CUL1: variants seen among roughly 807,000 people sequenced by gnomAD.
The protein encoded by CUL1 is cullin-1.
Under a neutral mutation model 118.0 loss-of-function variants are expected in CUL1, and 24 were observed. The observed-to-expected ratio is 0.20, with a 90% CI of 0.15 to 0.29. The LOEUF (loss-of-function observed/expected upper bound fraction) is 0.29, where lower values mean the gene tolerates loss of function less well. CUL1 is among the 10% of genes least tolerant of loss of function. The pLI is 1.00. For synonymous variants in CUL1, 332 were observed against 340.4 expected, an observed-to-expected ratio of 0.98 and a Z score of 0.27; for missense variants, 361 against 933.8, an observed-to-expected ratio of 0.39 and a Z score of 7.99.
intron 11 of CUL1, among the ~76,000 whole-genome samples, chr7:148,785,523 AT>A (rs1403951748): frequency 3.6e-3 from 480 of 132,896 alleles, no homozygotes; most frequent in Middle Eastern, 0.011. Flanking sequence ...CACCCGGCTA[AT>A]TTTTTTTTTT....
intron 14 of CUL1, 27 bp from the exon 15 acceptor site, chr7:148,789,723 C>G: frequency 6.3e-7 from 1 of 1,593,286 alleles, no homozygotes; most frequent in Non-Finnish European, 8.6e-7. Context: ...CCAGAATGTT[C>G]ACTCTCCCCT....
At chr7:148,702,256 C>G (rs978901663) in intron 1 of CUL1, among the ~76,000 whole-genome samples, 10 of 152,254 alleles carry the variant, frequency 6.6e-5, no homozygotes, top group African/African-American at 2.2e-4. Context: ...GGAGGTGTTT[C>G]ATTTCTAAAA....
chr7:148,748,418 A>G (rs948187678), intron 2 of CUL1, among the ~76,000 whole-genome samples: 2 of 152,240 alleles, frequency 1.3e-5, no homozygotes, highest in Non-Finnish European at 1.5e-5. Flanking sequence ...TTCTAAGGCA[A>G]TGTTGTTAGG....
At chr7:148,716,535 A>T (rs576123375) in intron 1 of CUL1, among the ~76,000 whole-genome samples, 1 of 152,200 alleles carries the variant, frequency 6.6e-6, no homozygotes, top group Non-Finnish European at 1.5e-5. Context: ...ACCCCACTGT[A>T]GTCTCACTTC....
intron 2 of CUL1, among the ~76,000 whole-genome samples, chr7:148,742,474 C>T (rs1799176036): frequency 6.6e-6 from 1 of 152,128 alleles, no homozygotes; most frequent in Non-Finnish European, 1.5e-5. Flanking sequence ...CTCCACCTGA[C>T]CTTGCCCTTG....
At chr7:148,748,924 ATGAT>A (rs747431198) in intron 2 of CUL1, among the ~76,000 whole-genome samples, 1 of 152,246 alleles carries the variant, frequency 6.6e-6, no homozygotes, top group Admixed American at 6.5e-5. Context: ...ATATAACTGA[ATGAT>A]AAGGAAAATA....
intron 3 of CUL1, 112 bp downstream of exon 3, chr7:148,754,262 A>G (rs1435263244): frequency 1.5e-6 from 1 of 680,748 alleles, no homozygotes; most frequent in Non-Finnish European, 2.4e-6. Flanking sequence ...TTTAGACACT[A>G]ACGTAGGTGA....
rs768323945 is a variant in CUL1 at position 148,730,072 on chromosome 7, G to A, written c.-51G>A. On this transcript the variant is annotated 5_prime_UTR_variant, in exon 2 of 22. Coordinates refer to ENST00000325222, the MANE Select transcript of CUL1 (RefSeq NM_003592.3). ...ATTTTCATCTAATGGAGAACTAGCTGTACTTTGAATAAGGATTGCTGCACT... is the reference window on the plus strand; with the variant it reads ...ATTTTCATCTAATGGAGAACTAGCTATACTTTGAATAAGGATTGCTGCACT... The A allele has an allele frequency of 7.6e-6, 12 of 1,576,136 alleles. No individual in the cohort carries two copies. The highest frequency in any genetic ancestry group is 1.4e-5 in the African/African-American group (1 of 73,848).
At chr7:148,700,779 G>A (rs1797696364) in intron 1 of CUL1, among the ~76,000 whole-genome samples, 2 of 151,980 alleles carry the variant, frequency 1.3e-5, no homozygotes, top group Non-Finnish European at 1.5e-5. Flanking sequence ...TTTTAAAAAC[G>A]ATTTTGTCAA....
chr7:148,780,428 G>T (rs1311839481), intron 9 of CUL1, among the ~76,000 whole-genome samples: 1 of 152,244 alleles, frequency 6.6e-6, no homozygotes, highest in Non-Finnish European at 1.5e-5. Context: ...TGGACGGGTT[G>T]TATGGATTGA....
At chr7:148,744,860 T>C (rs1304521533) in intron 2 of CUL1, among the ~76,000 whole-genome samples, 1 of 152,228 alleles carries the variant, frequency 6.6e-6, no homozygotes, top group Non-Finnish European at 1.5e-5. Context: ...ATATTTTCAC[T>C]GGCTATAGAA....
intron 1 of CUL1, among the ~76,000 whole-genome samples, chr7:148,707,569 TTG>T (rs1451747629): frequency 6.6e-6 from 1 of 152,098 alleles, no homozygotes; most frequent in Non-Finnish European, 1.5e-5. Context: ...CCATGGTGGT[TTG>T]CTGCACCGAT....
chr7:148,737,723 C>T (rs1363060275), intron 2 of CUL1, among the ~76,000 whole-genome samples: 1 of 151,872 alleles, frequency 6.6e-6, no homozygotes, highest in African/African-American at 2.4e-5. Context: ...ACCTCAGCCT[C>T]CCGAGTGGCT....
intron 1 of CUL1, among the ~76,000 whole-genome samples, chr7:148,706,396 C>G (rs1216463730): frequency 6.6e-6 from 1 of 152,088 alleles, no homozygotes; most frequent in East Asian, 1.9e-4. Flanking sequence ...TAATGCAGTC[C>G]TGGTTGAGGA....
intron 9 of CUL1, among the ~76,000 whole-genome samples, chr7:148,781,101 T>TTTTTTTTTTTCA: frequency 6.8e-6 from 1 of 147,796 alleles, no homozygotes; most frequent in Non-Finnish European, 1.5e-5. Flanking sequence ...TTTTTTTTTT[T>TTTTTTTTTTTCA]GACAGAGTCT....
At chr7:148,710,305 T>TGGCTC (rs112305464) in intron 1 of CUL1, among the ~76,000 whole-genome samples, 68,227 of 151,486 alleles carry the variant, frequency 0.45, 16,236 homozygotes, top group African/African-American at 0.62. Context: ...CCGGGCGCGG[T>TGGCTC]ACGCCTGTAA....
chr7:148,773,290 A>T (rs575722785), intron 9 of CUL1, among the ~76,000 whole-genome samples: 71 of 151,630 alleles, frequency 4.7e-4, no homozygotes, highest in Non-Finnish European at 7.7e-4. Flanking sequence ...TCATTCCCCT[A>T]CCCCAAAACT....
At chr7:148,792,314 T>A (rs1488358437) in intron 16 of CUL1, among the ~76,000 whole-genome samples, 1 of 152,224 alleles carries the variant, frequency 6.6e-6, no homozygotes, top group Non-Finnish European at 1.5e-5. Context: ...TTGTTTTACA[T>A]CAATAATGTG....
intron 7 of CUL1, 70 bp from the exon 8 acceptor site, chr7:148,766,491 A>G (rs1378892184): frequency 6.4e-6 from 8 of 1,258,418 alleles, no homozygotes; most frequent in Admixed American, 5.3e-5. Context: ...CCTTTAATTT[A>G]CATATTAAAG....
Sources: allele counts gnomAD v4.1 joint callset (sites outside exome capture counted in the v4.1 genomes callset), GRCh38; gene constraint gnomAD v4.1.1; transcripts MANE v1.5; gene names NCBI Gene and HGNC (gene_info 2026-07-23, HGNC 2026-07-21).